Variants in ARHGAP21 observed in about 807,000 individuals in gnomAD.
ARHGAP21 encodes the protein rho GTPase-activating protein 21.
Under a neutral mutation model 164.6 loss-of-function variants are expected in ARHGAP21, and 38 were observed. The ratio of observed to expected loss-of-function variants is 0.23; its 90% confidence interval spans 0.18 to 0.30. ARHGAP21 has a LOEUF of 0.30. Ranked by LOEUF, ARHGAP21 falls within the 10% of genes least tolerant of loss-of-function variation. The probability of loss-of-function intolerance (pLI) is 1.00; values close to 1 mark genes in which losing one functional copy is unlikely to be tolerated. For missense variants in ARHGAP21, 1,822 were observed against 2,370.7 expected, an observed-to-expected ratio of 0.77 and a Z score of 4.81; for synonymous variants, 766 against 857.9, an observed-to-expected ratio of 0.89 and a Z score of 1.87.
intron 2 of ARHGAP21, among the ~76,000 whole-genome samples, chr10:24,717,112 G>GA (rs1267261913): frequency 6.6e-6 from 1 of 152,188 alleles, no homozygotes; most frequent in Admixed American, 6.5e-5. Context: ...TTAAAACCAT[G>GA]AAACAGTATT....
Position 24,620,171 on chromosome 10 carries a change from C to T in ARHGAP21, c.1724G>A (p.Arg575Lys). 1.2e-6 allele frequency: 2 copies of T among 1,613,976 alleles called. No homozygotes were observed. The highest frequency in any genetic ancestry group is 1.1e-5 in the South Asian group (1 of 91,076). Residue 575 changes from arginine to lysine, a missense_variant, in exon 9 of 26, where the codon AGA becomes AAA. Transcript: ENST00000396432. Reference sequence around the variant, plus strand: ...AAACTGCGACACAGATCCCACTCCTCTACCACTCATTCGCCTGTTATCAGA... The same window carrying T: ...AAACTGCGACACAGATCCCACTCCTTTACCACTCATTCGCCTGTTATCAGA... ...VNSDNRRMSG[R>K]GVGSVSQFKK...
At chr10:24,688,742 C>G (rs1351074517) in intron 2 of ARHGAP21, among the ~76,000 whole-genome samples, 3 of 152,154 alleles carry the variant, frequency 2.0e-5, no homozygotes, top group Non-Finnish European at 4.4e-5. Context: ...TCCAGGAGAG[C>G]AAGGGCATCC....
intron 2 of ARHGAP21, among the ~76,000 whole-genome samples, chr10:24,702,127 CTTTTTTT>C (rs71798625): frequency 2.9e-5 from 3 of 104,606 alleles, no homozygotes; most frequent in South Asian, 3.3e-4. Context: ...ACTTCCGGTT[CTTTTTTT>C]TTTTTTTTTT....
chr10:24,636,473 G>GAATGAACT (rs1306326876), intron 4 of ARHGAP21, among the ~76,000 whole-genome samples: 1 of 152,150 alleles, frequency 6.6e-6, no homozygotes, highest in Non-Finnish European at 1.5e-5. Context: ...CCTTAAAGAA[G>GAATGAACT]AATGTAACTG....
rs190777744 is a variant in ARHGAP21 at position 24,706,903 on chromosome 10, A to T, written c.63+14934T>A. 1.4e-3 allele frequency among the ~76,000 whole-genome samples: 209 copies of T among 152,364 alleles called. 1 individual carries two copies. The highest frequency in any genetic ancestry group is 4.8e-3 in the African/African-American group (201 of 41,584). On this transcript the variant is annotated intron_variant, in intron 2 of 25. Coordinates refer to ENST00000396432, the MANE Select transcript of ARHGAP21 (RefSeq NM_020824.4). ...TCTGGGCATCTTTAGTCATTCAATGAAAACACAACCTGGGGAGGTGGTATA... is the reference window on the plus strand; with the variant it reads ...TCTGGGCATCTTTAGTCATTCAATGTAAACACAACCTGGGGAGGTGGTATA...
intron 9 of ARHGAP21, among the ~76,000 whole-genome samples, chr10:24,611,406 C>G (rs139069367): frequency 6.6e-6 from 1 of 151,988 alleles, no homozygotes; most frequent in Non-Finnish European, 1.5e-5. Flanking sequence ...GAAAGCAAAA[C>G]GAAAAAAGAC....
chr10:24,670,161 G>A (rs1315641649), intron 3 of ARHGAP21, 57 bp downstream of exon 3: 2 of 1,258,536 alleles, frequency 1.6e-6, no homozygotes, highest in African/African-American at 1.5e-5. Flanking sequence ...AAGACTAGAA[G>A]GGGATAGGAA....
chr10:24,696,918 G>C (rs1843224852), intron 2 of ARHGAP21, among the ~76,000 whole-genome samples: 1 of 152,224 alleles, frequency 6.6e-6, no homozygotes, highest in African/African-American at 2.4e-5. Flanking sequence ...CTTCTGGCCA[G>C]CACTGACAGT....
chr10:24,666,229 G>A (rs911086503), intron 4 of ARHGAP21, among the ~76,000 whole-genome samples: 4 of 151,994 alleles, frequency 2.6e-5, no homozygotes, highest in Non-Finnish European at 5.9e-5. Flanking sequence ...CAGGATTTTC[G>A]CTGTGTTAGC....
chr10:24,663,435 T>G (rs1839894399), intron 4 of ARHGAP21, among the ~76,000 whole-genome samples: 1 of 152,226 alleles, frequency 6.6e-6, no homozygotes, highest in Admixed American at 6.5e-5. Context: ...ACTCATGGCC[T>G]ATACACTTGG....
At chr10:24,654,738 A>G (rs1396155212) in intron 4 of ARHGAP21, among the ~76,000 whole-genome samples, 1 of 152,246 alleles carries the variant, frequency 6.6e-6, no homozygotes, top group African/African-American at 2.4e-5. Flanking sequence ...CAAACTAACA[A>G]TGACTTTCTT....
At position 24,604,303 on chromosome 10, in the gene ARHGAP21, A is replaced by C. The variant is rs775565802; in HGVS notation, c.2721+9T>G. 2 of 1,581,480 alleles carry C rather than the reference A, an allele frequency of 1.3e-6. No homozygotes were observed. The highest frequency in any genetic ancestry group is 2.4e-5 in the South Asian group (2 of 84,058). ...AAACTAAGGTAAGTAGAAACACTCTAATACCAACCTTGATTCCCTTCAGAC... is the reference window on the plus strand; with the variant it reads ...AAACTAAGGTAAGTAGAAACACTCTCATACCAACCTTGATTCCCTTCAGAC... On this transcript the variant is annotated intron_variant, in intron 12 of 25. Coordinates refer to ENST00000396432, the MANE Select transcript of ARHGAP21 (RefSeq NM_020824.4).
At position 24,585,390 on chromosome 10, in the gene ARHGAP21, C is replaced by T. The variant is rs773934691; in HGVS notation, c.4899G>A (p.Val1633=). 2 of 1,614,014 alleles carry T rather than the reference C, an allele frequency of 1.2e-6. No individual in the cohort carries two copies. The highest frequency in any genetic ancestry group is 8.5e-7 in the Non-Finnish European group (1 of 1,180,044). ...GAAACTCGCTCTCGCTGTCGGTTTCCACAGGCCGCCCTTCACTGATGAGTT... is the reference window on the plus strand; with the variant it reads ...GAAACTCGCTCTCGCTGTCGGTTTCTACAGGCCGCCCTTCACTGATGAGTT... The part of the protein sequence containing the change: ...RSELISEGRP[V]ETDSESEFPV... Residue 1633 remains valine, a synonymous_variant, in exon 26 of 26, where the codon GTG becomes GTA. Coordinates refer to ENST00000396432, the MANE Select transcript of ARHGAP21 (RefSeq NM_020824.4).
At chr10:24,637,760 C>A (rs1386229088) in intron 4 of ARHGAP21, among the ~76,000 whole-genome samples, 2 of 152,114 alleles carry the variant, frequency 1.3e-5, no homozygotes, top group Non-Finnish European at 2.9e-5. Flanking sequence ...TCTTTCAATA[C>A]ACTATGCCTG....
intron 6 of ARHGAP21, among the ~76,000 whole-genome samples, chr10:24,631,896 T>A (rs1376994553): frequency 6.6e-6 from 1 of 152,050 alleles, no homozygotes; most frequent in Admixed American, 6.6e-5. Context: ...GCCCAGCTAA[T>A]TTTTTGTAGA....
At chr10:24,723,514 G>T (rs1846137642) in intron 1 of ARHGAP21, 48 bp downstream of exon 1, 1 of 147,544 alleles carries the variant, frequency 6.8e-6, no homozygotes, top group South Asian at 2.1e-4. Flanking sequence ...CACGGCCCGC[G>T]AGCGCAGCGC....
intron 7 of ARHGAP21, chr10:24,628,976 A>ATTT (rs1374185089): frequency 1.3e-4 from 2 of 15,012 alleles, no homozygotes; most frequent in African/African-American, 5.0e-4. Flanking sequence ...ATATATATAT[A>ATTT]TATATATTTT....
intron 3 of ARHGAP21, among the ~76,000 whole-genome samples, chr10:24,667,352 A>C (rs1046052825): frequency 3.3e-5 from 5 of 152,350 alleles, no homozygotes; most frequent in African/African-American, 1.2e-4. Flanking sequence ...GAGATATCCA[A>C]GTGAAGTTGT....
At chr10:24,636,997 A>C (rs1271105597) in intron 4 of ARHGAP21, among the ~76,000 whole-genome samples, 1 of 152,230 alleles carries the variant, frequency 6.6e-6, no homozygotes, top group African/African-American at 2.4e-5. Flanking sequence ...ATAATTATTC[A>C]ATGAATTAAT....
Sources: gnomAD v4.1 joint callset for allele counts (sites outside exome capture counted in the v4.1 genomes callset) on GRCh38, gnomAD v4.1.1 for gene constraint, MANE v1.5 for transcripts, NCBI Gene and HGNC (gene_info 2026-07-23, HGNC 2026-07-21) for gene names.